TMLHE: variants seen among roughly 807,000 people sequenced by gnomAD.
TMLHE encodes the protein trimethyllysine hydroxylase, epsilon.
TMLHE carries 18 observed loss-of-function variants against 25.7 expected under a neutral mutation model. That is an observed-to-expected ratio of 0.70 (90% CI 0.48 to 1.04). The LOEUF is 1.04. TMLHE is among the 50% of genes least tolerant of loss of function. The pLI is 0.00. For synonymous variants in TMLHE, 105 were observed against 97.0 expected (o/e 1.08, Z -0.49); for missense variants, 236 against 259.0 (o/e 0.91, Z 0.61).
rs200809248 is a variant in TMLHE, at chrX:155,588,638, T to TA, written c.-2+24153dup. On this transcript the variant is annotated intron_variant, in intron 1 of 7. Transcript: ENST00000334398. ...AGAAGGAACTCAAAGAACTCAACAA[T>TA]AAAAAAAAAAATCCCGTTAAAAAGT... Among the ~76,000 whole-genome samples the TA allele has an allele frequency of 3.8e-3, 392 of 102,902 alleles. 7 individuals are homozygous for TA. The East Asian group carries it at 0.048, about 13-fold the overall frequency. The allele number at this position is 102,902 out of a possible 115,157, so 89.4% of individuals were successfully genotyped here. A position where few individuals can be genotyped will look rare whatever the true frequency, so the allele number is the denominator to read the frequency against.
intron 1 of TMLHE, among the ~76,000 whole-genome samples, chrX:155,547,665 C>G (rs1156916515): frequency 1.9e-5 from 2 of 107,697 alleles, no homozygotes; most frequent in African/African-American, 3.4e-5. Context: ...GACTAGTGTT[C>G]TTTGAAGAAG....
intron 4 of TMLHE, 47 bp from the exon 5 acceptor site, chrX:155,511,839 A>G (rs1557333649): frequency 1.8e-6 from 2 of 1,108,934 alleles, no homozygotes; most frequent in Non-Finnish European, 2.4e-6. Flanking sequence ...TGAAATGTTC[A>G]TTCTTGTCTT....
chrX:155,587,001 C>A (rs2067668948), intron 1 of TMLHE, among the ~76,000 whole-genome samples: 1 of 111,997 alleles, frequency 8.9e-6, no homozygotes, highest in African/African-American at 3.2e-5. Context: ...GAGAACTATC[C>A]CTAACTCATT....
chrX:155,580,838 C>A (rs1435635552), intron 1 of TMLHE, among the ~76,000 whole-genome samples: 1 of 111,672 alleles, frequency 9.0e-6, no homozygotes, highest in Non-Finnish European at 1.9e-5. Context: ...CAAGCATCAT[C>A]CTGATACCAA....
intron 1 of TMLHE, among the ~76,000 whole-genome samples, chrX:155,547,961 C>A (rs782256682): frequency 9.0e-6 from 1 of 111,048 alleles, no homozygotes; most frequent in Admixed American, 9.6e-5. Flanking sequence ...CAAAGTCTCT[C>A]CTCCCCCATT....
chrX:155,506,808 C>T (rs1213275264), intron 6 of TMLHE, 90 bp downstream of exon 6: 5 of 702,483 alleles, frequency 7.1e-6, no homozygotes, highest in African/African-American at 6.5e-5. Flanking sequence ...TAAAATGTAG[C>T]AGATATAAGA....
intron 1 of TMLHE, among the ~76,000 whole-genome samples, chrX:155,549,415 G>C (rs782194406): frequency 3.6e-5 from 4 of 109,842 alleles, no homozygotes; most frequent in Non-Finnish European, 5.7e-5. Context: ...TCAATTCCTA[G>C]TTTTCTGAGA....
At chrX:155,546,823 C>G (rs1324723735) in intron 1 of TMLHE, among the ~76,000 whole-genome samples, 2 of 111,159 alleles carry the variant, frequency 1.8e-5, no homozygotes, top group Admixed American at 9.6e-5. Flanking sequence ...CCTACAGATA[C>G]TGTCTGAAAC....
chrX:155,516,010 C>CTTTTTTTTTTTTT (rs782343831), intron 3 of TMLHE, among the ~76,000 whole-genome samples: 2 of 67,025 alleles, frequency 3.0e-5, no homozygotes, highest in Admixed American at 2.0e-4. Context: ...TTGTACTTTT[C>CTTTTTTTTTTTTT]TTCTTTTTTT....
intron 1 of TMLHE, among the ~76,000 whole-genome samples, chrX:155,548,589 G>A (rs192595421): frequency 1.8e-5 from 2 of 108,904 alleles, no homozygotes; most frequent in South Asian, 8.0e-4. Flanking sequence ...ACAAAAATTA[G>A]CCGGGTGTGG....
chrX:155,548,126 G>A (rs1239826347), intron 1 of TMLHE, among the ~76,000 whole-genome samples: 2 of 111,683 alleles, frequency 1.8e-5, no homozygotes, highest in Non-Finnish European at 3.8e-5. Context: ...ATCTAAGACC[G>A]CAAACTATGA....
chrX:155,507,005 T>A lies in TMLHE; in HGVS notation c.888A>T (p.Pro296=), dbSNP rs1557332750. 1.2e-5 allele frequency: 14 copies of A among 1,210,130 alleles called. No homozygotes were observed. Among genetic ancestry groups the A allele is most frequent in the Non-Finnish European group, 1.6e-5 (14 of 894,397 alleles). Residue 296 remains proline, a synonymous_variant, in exon 6 of 8, where the codon CCA becomes CCT. Transcript: ENST00000334398. ...CATCTTCAATATATTCATGCTTCAA[T>A]GGCACTTTACTGAGGAGTTCAAATT... ...PEEFELLSKV[P]LKHEYIEDVG... is the part of the protein sequence containing the mutation.
At chrX:155,549,179 T>C (rs947786597) in intron 1 of TMLHE, among the ~76,000 whole-genome samples, 1 of 111,374 alleles carries the variant, frequency 9.0e-6, no homozygotes, top group African/African-American at 3.3e-5. Context: ...AGGAATGTCA[T>C]ATATGAATAG....
chrX:155,545,929 G>A (rs782294709), intron 1 of TMLHE, among the ~76,000 whole-genome samples: 4 of 110,356 alleles, frequency 3.6e-5, no homozygotes, highest in Non-Finnish European at 7.6e-5. Flanking sequence ...TATCCCTGTC[G>A]TTATCCTGTC....
At chrX:155,548,577 A>G (rs782347720) in intron 1 of TMLHE, among the ~76,000 whole-genome samples, 1 of 109,091 alleles carries the variant, frequency 9.2e-6, no homozygotes, top group Non-Finnish European at 1.9e-5. Context: ...CTACTAAAAA[A>G]TACAAAAATT....
chrX:155,552,494 T>C (rs1439241256), intron 1 of TMLHE, among the ~76,000 whole-genome samples: 1 of 109,853 alleles, frequency 9.1e-6, no homozygotes, highest in Non-Finnish European at 1.9e-5. Flanking sequence ...ATTTTTAGTA[T>C]ACTGACTTAA....
At chrX:155,572,217 A>G (rs1557343274) in intron 1 of TMLHE, among the ~76,000 whole-genome samples, 1 of 56,946 alleles carries the variant, frequency 1.8e-5, no homozygotes, top group East Asian at 7.1e-4. Flanking sequence ...CCAAATCATA[A>G]GTGAACTCCC....
chrX:155,584,723 T>C (rs1160951234), intron 1 of TMLHE, among the ~76,000 whole-genome samples: 1 of 109,364 alleles, frequency 9.1e-6, no homozygotes, highest in Non-Finnish European at 1.9e-5. Context: ...TTCAATGTCC[T>C]GAAAGAAAAA....
chrX:155,522,227 C>A (rs1408386270), intron 3 of TMLHE, among the ~76,000 whole-genome samples: 1 of 111,645 alleles, frequency 9.0e-6, no homozygotes. Context: ...GTTTTTTCCT[C>A]CAATGCTTTT....
Sources: gnomAD v4.1 joint callset for allele counts (sites outside exome capture counted in the v4.1 genomes callset) on GRCh38, gnomAD v4.1.1 for gene constraint, MANE v1.5 for transcripts, NCBI Gene and HGNC (gene_info 2026-07-23, HGNC 2026-07-21) for gene names.